Variants in SCARF2 observed in about 807,000 individuals in gnomAD.
SCARF2 encodes the protein scavenger receptor class F member 2.
In SCARF2, 39 loss-of-function variants were observed where a neutral mutation model predicts 73.4. The observed-to-expected ratio is 0.53, with a 90% CI of 0.41 to 0.69. SCARF2 has a LOEUF of 0.69. Ranked by LOEUF, SCARF2 falls within the 30% of genes least tolerant of loss-of-function variation. SCARF2 has a pLI of 0.00. For synonymous variants in SCARF2, 605 were observed against 590.0 expected (o/e 1.03, Z -0.37); for missense variants, 1,148 against 1,303.5 (o/e 0.88, Z 1.84).
Position 20,425,322 on chromosome 22 carries a change from G to C in SCARF2, c.*53C>G. The C allele has an allele frequency of 7.6e-7, 1 of 1,308,008 alleles. No individual in the cohort carries two copies. The highest frequency in any genetic ancestry group is 9.8e-7 in the Non-Finnish European group (1 of 1,018,254). The allele number at this position is 1,308,008 out of a possible 1,614,324, so 81.0% of individuals were successfully genotyped here. ...CCCGGTAGCGTGGGAGGTGTGGGGT[G>C]GCGGGCGGCGCTGCGAAGCTGAGGG... On this transcript the variant is annotated 3_prime_UTR_variant, in exon 11 of 11. Coordinates refer to ENST00000622235, the MANE Select transcript of SCARF2 (RefSeq NM_182895.5). The surrounding 1 kb of genome is among the most constrained non-coding windows in gnomAD (Gnocchi z 4.6).
intron 9 of SCARF2, among the ~76,000 whole-genome samples, chr22:20,427,851 C>T (rs1044683061): frequency 1.9e-4 from 29 of 152,316 alleles, no homozygotes; most frequent in African/African-American, 2.9e-4. Flanking sequence ...AGGTGGGAGA[C>T]GGGGCTGAAG....
At chr22:20,427,671 G>A (rs1201100200) in intron 9 of SCARF2, 121 bp from the exon 10 acceptor site, 5 of 1,144,774 alleles carry the variant, frequency 4.4e-6, no homozygotes, top group Non-Finnish European at 5.0e-6. Context: ...TTGGACTGCA[G>A]GGGGCACAGG....
In SCARF2 at chr22:20,425,971, G is replaced by T; in HGVS notation, c.2005C>A (p.His669Asn). ...PATKPKVSWI[H>N]GKHSAAAAGR... ...GCTGCAGCGGCGCTGTGCTTGCCGT[G>T]GATCCAGGACACCTTAGGCTTGGTG... Residue 669 changes from histidine (H) to asparagine (N), a missense_variant, in exon 11 of 11, where the codon CAC (histidine) becomes AAC (asparagine). This residue lies in a region of SCARF2 where 437 missense variants were observed against 433.6 expected (regional missense o/e 1.01). Transcript: ENST00000622235. The surrounding 1 kb of genome is among the most constrained non-coding windows in gnomAD (Gnocchi z 4.6). The T allele has an allele frequency of 6.3e-7, 1 of 1,594,288 alleles. No homozygotes were observed. Among genetic ancestry groups the T allele is most frequent in the East Asian group, 2.3e-5 (1 of 43,648 alleles).
Position 20,426,046 on chromosome 22 carries a change from A to C in SCARF2, c.1930T>G (p.Ser644Ala). The change falls in exon 11 of 11, where the codon TCG becomes GCG. Residue 644 changes from serine to alanine, a missense_variant. Ser to Ala is a moderately conservative substitution (Grantham distance 99, BLOSUM62 1). Coordinates refer to ENST00000622235, the MANE Select transcript of SCARF2 (RefSeq NM_182895.5). ...ARARGEIGGL[S>A]LSPSPERRKP... ...CTGCGCTCGGGCGATGGCGACAGCG[A>C]CAGGCCCCCAATCTCGCCCCGGGCC... 6.3e-7 allele frequency: 1 copy of C among 1,575,272 alleles called. No individual in the cohort carries two copies. The highest frequency in any genetic ancestry group is 8.6e-7 in the Non-Finnish European group (1 of 1,169,430).
Position 20,430,842 on chromosome 22 carries a change from G to A in SCARF2, c.921C>T (p.Pro307=), listed in dbSNP as rs767795885. ...GGTCGCACTTGGTTCCGTTCCAGCC[G>A]GGCTCGCACGTCAAGCAGCGGCCCT... ...VAEGRCLTCE[P]GWNGTKCDQP... is the part of the protein sequence containing the mutation. Residue 307 remains proline (P), a synonymous_variant, in exon 5 of 11, where the codon CCC becomes CCT. Coordinates refer to ENST00000622235, the MANE Select transcript of SCARF2 (RefSeq NM_182895.5). 2.8e-5 allele frequency: 45 copies of A among 1,606,798 alleles called. No homozygotes were observed. The highest frequency in any genetic ancestry group is 1.1e-5 in the Non-Finnish European group (13 of 1,178,048).
rs1340414064 is a variant in SCARF2, at chr22:20,437,593, G to A, written c.162C>T (p.Cys54=). 2 of 1,574,012 alleles carry A rather than the reference G, an allele frequency of 1.3e-6. No homozygotes were observed. The highest frequency in any genetic ancestry group is 2.3e-5 in the East Asian group (1 of 42,910). The change falls in exon 1 of 11, where the codon TGC becomes TGT. Residue 54 remains cysteine (C), a synonymous_variant. Coordinates refer to ENST00000622235, the MANE Select transcript of SCARF2 (RefSeq NM_182895.5). Reference sequence around the variant, plus strand: ...AGGCCGGCTCCTACCCGGGAGCACGGCACACGTTGCGGCCGCGAGGGTTCA... The same window carrying A: ...AGGCCGGCTCCTACCCGGGAGCACGACACACGTTGCGGCCGCGAGGGTTCA... ...QELNPRGRNV[C]RAPGSQVPTC...
At chr22:20,433,035 T>C (rs1338185654) in intron 1 of SCARF2, among the ~76,000 whole-genome samples, 1 of 152,192 alleles carries the variant, frequency 6.6e-6, no homozygotes, top group Non-Finnish European at 1.5e-5. Flanking sequence ...CTGATTGTCT[T>C]CCACTTGTTC....
In SCARF2 at chr22:20,430,485, T is replaced by C. The variant is rs747060945; in HGVS notation, c.1146A>G (p.Gly382=). ...AGCGCCCCGACTGGAAGTCGCAGTG[T>C]CCGCTGCCGCAGTCGGCGCACACGA... The part of the protein sequence containing the change: ...CAFVCADCGS[G]HCDFQSGRCL... The change falls in exon 6 of 11, where the codon GGA becomes GGG. Residue 382 remains glycine (G), a synonymous_variant. Transcript: ENST00000622235. The C allele has an allele frequency of 6.3e-7, 1 of 1,598,498 alleles. No individual in the cohort carries two copies. The highest frequency in any genetic ancestry group is 8.5e-7 in the Non-Finnish European group (1 of 1,173,578).
Position 20,431,134 on chromosome 22 carries a change from G to T in SCARF2, c.738C>A (p.Cys246Ter). Reference sequence around the variant, plus strand: ...CCACAGGGTGGCAGCGGCCGCGGAAGCACTGGCAGTAGCGATCGCAGCGCG... The same window carrying T: ...CCACAGGGTGGCAGCGGCCGCGGAATCACTGGCAGTAGCGATCGCAGCGCG... Reference protein sequence around the residue: ...FGARCDRYCQCFRGRCHPVDG... With the variant: ...FGARCDRYCQ Residue 246 changes from cysteine to a stop codon, truncating the protein, a stop_gained, in exon 4 of 11, where the codon TGC (cysteine) becomes TGA (stop). Coordinates refer to ENST00000622235, the MANE Select transcript of SCARF2 (RefSeq NM_182895.5). LOFTEE classifies it high-confidence loss of function. 6.4e-7 allele frequency: 1 copy of T among 1,566,086 alleles called. No homozygotes were observed. The highest frequency in any genetic ancestry group is 8.6e-7 in the Non-Finnish European group (1 of 1,164,518).
intron 1 of SCARF2, among the ~76,000 whole-genome samples, chr22:20,436,829 T>C (rs1296461114): frequency 6.6e-6 from 1 of 152,082 alleles, no homozygotes; most frequent in African/African-American, 2.4e-5. Flanking sequence ...CTCACCTCTC[T>C]GCCCTCCGTG....
At chr22:20,432,313 A>G (rs4823020) in intron 1 of SCARF2, among the ~76,000 whole-genome samples, 18,131 of 152,194 alleles carry the variant, frequency 0.12, 1,700 homozygotes, top group East Asian at 0.47. Context: ...GCCAGGGAGA[A>G]GACCATGGGC....
In SCARF2 at chr22:20,437,575, C is replaced by A; in HGVS notation, c.173+7G>T. On this transcript the variant is annotated splice_region_variant and intron_variant, in intron 1 of 10. Coordinates refer to ENST00000622235, the MANE Select transcript of SCARF2 (RefSeq NM_182895.5). ...TCGCCCCCTCCCCCAGCCAGGCCGGCTCCTACCCGGGAGCACGGCACACGT... is the reference window on the plus strand; with the variant it reads ...TCGCCCCCTCCCCCAGCCAGGCCGGATCCTACCCGGGAGCACGGCACACGT... 1 of 1,572,424 alleles carries A rather than the reference C, an allele frequency of 6.4e-7. No individual in the cohort carries two copies. Among genetic ancestry groups the A allele is most frequent in the South Asian group, 1.1e-5 (1 of 87,006 alleles).
chr22:20,429,097 G>T lies in SCARF2; in HGVS notation c.1540+128C>A. 5 of 1,265,904 alleles carry T rather than the reference G, an allele frequency of 3.9e-6. No homozygotes were observed. Among genetic ancestry groups the T allele is most frequent in the South Asian group, 1.3e-5 (1 of 79,392 alleles). 78.4% of individuals were successfully genotyped at this position (1,265,904 alleles called of 1,614,324 possible). ...CTTCCCTCTGGTCGCACCTCCTCGC[G>T]CCCACGCACATCAACACTCAAGGTC... is the stretch of plus-strand genomic sequence containing the variant. On this transcript the variant is annotated intron_variant, in intron 9 of 10. Coordinates refer to ENST00000622235, the MANE Select transcript of SCARF2 (RefSeq NM_182895.5). This position sits in a 1 kb window ranked among gnomAD's most constrained non-coding sequence, Gnocchi z 5.2.
chr22:20,432,566 G>C (rs1003998014), intron 1 of SCARF2, among the ~76,000 whole-genome samples: 7 of 152,202 alleles, frequency 4.6e-5, no homozygotes, highest in Non-Finnish European at 8.8e-5. Context: ...CTTGGCAGAG[G>C]GGCTTCTGGA....
At position 20,426,098 on chromosome 22, in the gene SCARF2, C is replaced by T. The variant is rs1251136117; in HGVS notation, c.1878G>A (p.Val626=). The T allele has an allele frequency of 5.3e-6, 8 of 1,496,364 alleles. No individual in the cohort carries two copies. Among genetic ancestry groups the T allele is most frequent in the Non-Finnish European group, 6.2e-6 (7 of 1,132,618 alleles). 92.7% of individuals were successfully genotyped at this position (1,496,364 alleles called of 1,614,324 possible). A position where few individuals can be genotyped will look rare whatever the true frequency, so the allele number is the denominator to read the frequency against. ...EGPGGALYAR[V]ARREARPARA... The stretch of plus-strand genomic sequence containing the variant: ...GGGCCGGCCGGGCCTCGCGTCGGGC[C>T]ACGCGCGCGTACAGAGCCCCTCCGG... The change falls in exon 11 of 11, where the codon GTG becomes GTA. Residue 626 remains valine (V), a synonymous_variant. Transcript: ENST00000622235.
chr22:20,432,885 T>C (rs1216664380), intron 1 of SCARF2, among the ~76,000 whole-genome samples: 1 of 152,170 alleles, frequency 6.6e-6, no homozygotes, highest in African/African-American at 2.4e-5. Context: ...ACATGGCTAA[T>C]TTTTGTATTT....
intron 1 of SCARF2, among the ~76,000 whole-genome samples, chr22:20,435,414 C>A (rs2052689804): frequency 6.6e-6 from 1 of 152,180 alleles, no homozygotes; most frequent in African/African-American, 2.4e-5. Context: ...GTGTTTGCCA[C>A]CTGGCAGCCA....
At position 20,431,838 on chromosome 22, in the gene SCARF2, C is replaced by T. The variant is rs199634127; in HGVS notation, c.241G>A (p.Glu81Lys). 168 of 1,598,200 alleles carry T rather than the reference C, an allele frequency of 1.1e-4. 2 individuals carry two copies. The East Asian group carries it at 2.7e-3, about 25-fold the overall frequency. Residue 81 changes from glutamate to lysine, a missense_variant, in exon 3 of 11, where the codon GAA (glutamate) becomes AAA (lysine). This residue lies in a region of SCARF2 where 124 missense variants were observed against 120.4 expected (regional missense o/e 1.03). Transcript: ENST00000622235. ...TTCTCTGAGCACGTGGAGTTGCCTT[C>T]GCACACCGCTGTGGACGAGACAGGC... ...QGDECGIAVC[E>K]GNSTCSENEV...
chr22:20,434,903 G>C (rs5763244), intron 1 of SCARF2, among the ~76,000 whole-genome samples: 68,434 of 151,932 alleles, frequency 0.45, 15,557 homozygotes, highest in East Asian at 0.53. Context: ...CGACCCTCCT[G>C]CTGCCCCGCC....
Sources: allele counts gnomAD v4.1 joint callset (sites outside exome capture counted in the v4.1 genomes callset), GRCh38; gene constraint gnomAD v4.1.1; regional missense constraint gnomAD v4.1.1; non-coding constraint Gnocchi (gnomAD v3.1); transcripts MANE v1.5; gene names NCBI Gene and HGNC (gene_info 2026-07-23, HGNC 2026-07-21).